The following DAB1 variants were observed in gnomAD, a reference collection of about 807,000 sequenced individuals.
The protein encoded by DAB1 is DAB adaptor protein 1, also known as disabled homolog 1.
In DAB1, 15 loss-of-function variants were observed where a neutral mutation model predicts 64.6. The ratio of observed to expected loss-of-function variants is 0.23; its 90% confidence interval spans 0.16 to 0.36. The LOEUF (loss-of-function observed/expected upper bound fraction) is 0.36. Ranked by LOEUF, DAB1 falls within the 10% of genes least tolerant of loss-of-function variation. The pLI is 1.00. For missense variants in DAB1, 596 were observed against 706.7 expected, an observed-to-expected ratio of 0.84 and a Z score of 1.78; for synonymous variants, 235 against 251.9, an observed-to-expected ratio of 0.93 and a Z score of 0.64.
intron 4 of DAB1, among the ~76,000 whole-genome samples, chr1:58,235,697 A>G (rs1659994019): frequency 6.6e-6 from 1 of 152,196 alleles, no homozygotes; most frequent in African/African-American, 2.4e-5. Flanking sequence ...GATGACCCAC[A>G]TCTGGCACAG....
chr1:57,830,897 G>C (rs944188791), intron 1 of DAB1, among the ~76,000 whole-genome samples: 1 of 152,066 alleles, frequency 6.6e-6, no homozygotes, highest in African/African-American at 2.4e-5. Context: ...TCAGACAAAT[G>C]TTGCTTATTT....
At chr1:57,450,499 G>A (rs1390200111) in intron 7 of DAB1, among the ~76,000 whole-genome samples, 2 of 152,166 alleles carry the variant, frequency 1.3e-5, no homozygotes, top group East Asian at 1.9e-4. Context: ...GCCTCTTAAA[G>A]AGAGATTGAA....
Position 57,851,631 on chromosome 1 carries a change from A to G in DAB1, n.88-25176T>C, listed in dbSNP as rs148011204. Among the ~76,000 whole-genome samples the G allele has an allele frequency of 8.2e-3, 1,254 of 152,274 alleles. 19 individuals carry two copies. The highest frequency in any genetic ancestry group is 0.028 in the African/African-American group (1,149 of 41,552). ...CTTTGCTCCTGCAAGAAGCATTTCTATTCTTCCTATGTGACATTTTGCCTG... is the reference window on the plus strand; with the variant it reads ...CTTTGCTCCTGCAAGAAGCATTTCTGTTCTTCCTATGTGACATTTTGCCTG... On this transcript the variant is annotated intron_variant and non_coding_transcript_variant, in intron 1 of 1. Transcript: ENST00000477280.
intron 6 of DAB1, among the ~76,000 whole-genome samples, chr1:57,733,319 T>G (rs987712588): frequency 6.6e-6 from 1 of 151,830 alleles, no homozygotes; most frequent in Non-Finnish European, 1.5e-5. Context: ...GGCTTATTAT[T>G]TATTGTCTGT....
intron 5 of DAB1, among the ~76,000 whole-genome samples, chr1:58,133,958 G>T (rs981770265): frequency 6.6e-6 from 1 of 152,174 alleles, no homozygotes; most frequent in Admixed American, 6.5e-5. Context: ...CACAGGACCT[G>T]TATCCTCAAT....
chr1:57,351,199 C>T (rs1678564835), intron 1 of DAB1, among the ~76,000 whole-genome samples: 1 of 152,188 alleles, frequency 6.6e-6, no homozygotes, highest in African/African-American at 2.4e-5. Flanking sequence ...GAACTCAAAT[C>T]TAGGTTTTGC....
intron 2 of DAB1, among the ~76,000 whole-genome samples, chr1:57,284,212 G>C (rs942569100): frequency 4.6e-5 from 7 of 152,126 alleles, no homozygotes; most frequent in African/African-American, 1.7e-4. Flanking sequence ...CAGCAAAGTA[G>C]AAACACAATA....
chr1:57,923,562 A>G (rs1204019807), intron 5 of DAB1, among the ~76,000 whole-genome samples: 1 of 152,246 alleles, frequency 6.6e-6, no homozygotes, highest in African/African-American at 2.4e-5. Flanking sequence ...GCTGTCCTCC[A>G]CAAAATCCCT....
At chr1:57,888,119 T>C (rs1425873785), upstream of DAB1, among the ~76,000 whole-genome samples, 2 of 152,112 alleles carry the variant, frequency 1.3e-5, no homozygotes, top group African/African-American at 4.8e-5. Flanking sequence ...GACCACGACA[T>C]TGGATGATTA....
intron 7 of DAB1, among the ~76,000 whole-genome samples, chr1:57,443,384 G>A (rs147425451): frequency 1.9e-3 from 292 of 152,322 alleles, no homozygotes; most frequent in South Asian, 3.5e-3. Flanking sequence ...ACATTCATGT[G>A]CCATGTCTCT....
chr1:58,246,433 T>C (rs549063857), intron 4 of DAB1, among the ~76,000 whole-genome samples: 4 of 152,306 alleles, frequency 2.6e-5, no homozygotes, highest in African/African-American at 9.6e-5. Flanking sequence ...ATGTCACTTT[T>C]AAGATGGATC....
At chr1:57,016,454 C>T (rs997351905) in intron 11 of DAB1, among the ~76,000 whole-genome samples, 1 of 151,964 alleles carries the variant, frequency 6.6e-6, no homozygotes, top group African/African-American at 2.4e-5. Flanking sequence ...AATGGTGGCA[C>T]ATGCTCAGAG....
chr1:58,139,422 G>C (rs990718626), intron 5 of DAB1, among the ~76,000 whole-genome samples: 1 of 152,158 alleles, frequency 6.6e-6, no homozygotes. Flanking sequence ...ATGGCAAAAG[G>C]AGAAGCAAAC....
At chr1:57,674,982 G>A (rs1172253377) in intron 6 of DAB1, among the ~76,000 whole-genome samples, 2 of 152,194 alleles carry the variant, frequency 1.3e-5, no homozygotes, top group African/African-American at 2.4e-5. Flanking sequence ...TGGTCTGTGA[G>A]AAGAAATGTA....
chr1:57,612,622 T>C (rs1645742233), intron 7 of DAB1, among the ~76,000 whole-genome samples: 1 of 152,122 alleles, frequency 6.6e-6, no homozygotes, highest in Non-Finnish European at 1.5e-5. Context: ...AAGTGGATTC[T>C]AGAGCCTCCA....
intron 2 of DAB1, among the ~76,000 whole-genome samples, chr1:58,512,381 AT>A (rs1483209675): frequency 2.6e-5 from 4 of 152,230 alleles, no homozygotes; most frequent in Admixed American, 6.5e-5. Context: ...TATCATTATG[AT>A]TCAGAAATCC....
chr1:57,044,419 A>AGTATTACAG (rs1462148296), intron 9 of DAB1, among the ~76,000 whole-genome samples: 1 of 152,236 alleles, frequency 6.6e-6, no homozygotes, highest in Non-Finnish European at 1.5e-5. Flanking sequence ...GGCATCTTAC[A>AGTATTACAG]GTATTACAGA....
rs558425377 is a variant in DAB1, at chr1:57,058,333, C to T, written c.723+4551G>A. ...CCAACACTGTCTTAGTTTGACACGGCGTCTTTGGCCCCAGAAGGAAAAAGA... is the reference window on the plus strand; with the variant it reads ...CCAACACTGTCTTAGTTTGACACGGTGTCTTTGGCCCCAGAAGGAAAAAGA... On this transcript the variant is annotated intron_variant, in intron 9 of 14. Coordinates refer to ENST00000371236, the MANE Select transcript of DAB1 (RefSeq NM_001365792.1). 3.3e-5 allele frequency among the ~76,000 whole-genome samples: 5 copies of T among 152,250 alleles called. No homozygotes were observed. The East Asian group carries it at 5.8e-4, about 18-fold the overall frequency.
intron 3 of DAB1, among the ~76,000 whole-genome samples, chr1:58,417,380 A>G (rs1644731004): frequency 6.6e-6 from 1 of 152,220 alleles, no homozygotes; most frequent in South Asian, 2.1e-4. Flanking sequence ...CTGGTCTGTT[A>G]TGCTTTTCTG....
Sources: gnomAD v4.1 joint callset for allele counts (sites outside exome capture counted in the v4.1 genomes callset) on GRCh38, gnomAD v4.1.1 for gene constraint, MANE v1.5 for transcripts, NCBI Gene and HGNC (gene_info 2026-07-23, HGNC 2026-07-21) for gene names.